The following SLC4A11 variants were observed in gnomAD, a reference collection of about 807,000 sequenced individuals.
The protein encoded by SLC4A11 is bicarbonate transporter related protein 1.
A neutral mutation model predicts 95.0 loss-of-function variants in SLC4A11; 74 were observed. The ratio of observed to expected loss-of-function variants is 0.78; its 90% CI spans 0.65 to 0.95. The LOEUF (loss-of-function observed/expected upper bound fraction) is 0.95. Among genes scored for constraint, SLC4A11 ranks in the 40% least tolerant of loss-of-function variants. The pLI, the probability that SLC4A11 is intolerant of heterozygous loss-of-function variation, is 0.00. For synonymous variants in SLC4A11, 548 were observed against 519.0 expected, an observed-to-expected ratio of 1.06 and a Z score of -0.76; for missense variants, 1,081 against 1,192.4, an observed-to-expected ratio of 0.91 and a Z score of 1.38.
Position 3,237,673 on chromosome 20 carries a change from G to A in SLC4A11, c.44-85C>T. The A allele has an allele frequency of 6.2e-7, 1 of 1,613,970 alleles. No homozygotes were observed. Among genetic ancestry groups the A allele is most frequent in the Non-Finnish European group, 8.5e-7 (1 of 1,180,006 alleles). ...CACCTGTCTCCCCGCCCCCCGACCT[G>A]GCTCATTCCTTCGCTCTTCCGAGGG... On this transcript the variant is annotated intron_variant, in intron 1 of 19. Transcript: ENST00000642402.
Position 3,228,634 on chromosome 20 carries a change from G to T in SLC4A11, c.2266C>A (p.Leu756Met). 6.2e-7 allele frequency: 1 copy of T among 1,613,148 alleles called. No homozygotes were observed. Among genetic ancestry groups the T allele is most frequent in the Non-Finnish European group, 8.5e-7 (1 of 1,179,914 alleles). ...GGGATCCACTGAAGCGGGACCGGCA[G>T]CAGCAACAGGGACAGGCCCACCAGG... is the stretch of plus-strand genomic sequence containing the variant. ...SVLVGLSLLL[L>M]PVPLQWIPKP... The change falls in exon 18 of 20, where the codon CTG becomes ATG. Residue 756 changes from leucine to methionine, a missense_variant. This residue lies in a region of SLC4A11 where 767 missense variants were observed against 858.0 expected (regional missense o/e 0.89). Transcript: ENST00000642402.
rs774350919 is a variant in SLC4A11 at position 3,227,736 on chromosome 20, C to T, written c.*51G>A. The T allele has an allele frequency of 2.5e-6, 4 of 1,592,082 alleles. No homozygotes were observed. The South Asian group carries it at 3.3e-5, about 13-fold the overall frequency. ...CCTCCCCTCACAGCTCCAGAGCCAG[C>T]CTGGGAGGACGTGGAGGGCTGGCGA... On this transcript the variant is annotated 3_prime_UTR_variant, in exon 20 of 20. Transcript: ENST00000642402.
intron 1 of SLC4A11, 170 bp from the exon 2 acceptor site, chr20:3,237,758 C>A: frequency 6.2e-7 from 1 of 1,613,006 alleles, no homozygotes; most frequent in Non-Finnish European, 8.5e-7. Flanking sequence ...GGGAGGGGGC[C>A]CCATAGCAGG....
chr20:3,230,783 G>T lies in SLC4A11; in HGVS notation c.1231C>A (p.Gln411Lys). 6.2e-7 allele frequency: 1 copy of T among 1,613,376 alleles called. No homozygotes were observed. Among genetic ancestry groups the T allele is most frequent in the Non-Finnish European group, 8.5e-7 (1 of 1,179,992 alleles). The change falls in exon 11 of 20, where the codon CAG (glutamine) becomes AAG (lysine). Residue 411 changes from glutamine (Q) to lysine (K), a missense_variant. By Grantham distance (53) the Gln-to-Lys change is moderately conservative (BLOSUM62 1). Around this residue, in one of 3 missense-constraint regions of SLC4A11, gnomAD observed 767 missense variants for 858.0 expected, o/e 0.89. Transcript: ENST00000642402. ...GTGGTCAGCAGAATCACCAATGGCT[G>T]CCCAGAGAAGAGCGCGTAGAGCAGG... ...GGLLYALFSG[Q>K]PLVILLTTAP...
rs1371059316 is a variant in SLC4A11, at chr20:3,228,372, G to A, written c.2445C>T (p.Tyr815=). The change falls in exon 19 of 20, where the codon TAC becomes TAT. Residue 815 remains tyrosine (Y), a synonymous_variant. Coordinates refer to ENST00000642402, the MANE Select transcript of SLC4A11 (RefSeq NM_001174089.2). ...IRRVPQRKIH[Y]FTGLQVLQLL... ...GCTGAAGCACCTGCAGGCCCGTGAAGTAGTGGATCTTCCTCTGGGGCACCC... is the reference window on the plus strand; with the variant it reads ...GCTGAAGCACCTGCAGGCCCGTGAAATAGTGGATCTTCCTCTGGGGCACCC... 6.2e-7 allele frequency: 1 copy of A among 1,613,370 alleles called. No individual in the cohort carries two copies. Among genetic ancestry groups the A allele is most frequent in the Admixed American group, 1.7e-5 (1 of 60,024 alleles).
intron 19 of SLC4A11, 109 bp downstream of exon 19, chr20:3,228,150 G>A (rs550719363): frequency 8.8e-5 from 15 of 170,230 alleles, no homozygotes; most frequent in South Asian, 4.4e-4. Context: ...ACCCCAACCC[G>A]CCCATTCTCC....
chr20:3,236,313 G>A (rs540868754), intron 2 of SLC4A11, among the ~76,000 whole-genome samples: 2 of 152,276 alleles, frequency 1.3e-5, no homozygotes, highest in South Asian at 4.1e-4. Flanking sequence ...GAAATATTAG[G>A]TCAAAAGACA....
chr20:3,237,437 A>G, intron 2 of SLC4A11, 107 bp downstream of exon 2: 1 of 1,172,484 alleles, frequency 8.5e-7, no homozygotes, highest in Non-Finnish European at 1.3e-6. Context: ...AGAGTGGCCC[A>G]GATAGGCGAG....
rs775805131 is a variant in SLC4A11, at chr20:3,229,453, C to T, written c.1743-1G>A. 6.2e-7 allele frequency: 1 copy of T among 1,613,186 alleles called. No homozygotes were observed. Among genetic ancestry groups the T allele is most frequent in the Non-Finnish European group, 8.5e-7 (1 of 1,180,010 alleles). On this transcript the variant is annotated splice_acceptor_variant, in intron 14 of 19. Transcript: ENST00000642402. LOFTEE classifies it high-confidence loss of function. Reference sequence around the variant, plus strand: ...TCGCACGCAGGGGTGCAGGTAGGGGCTGGGGACAGCAGGTGCATGAGCACA... The same window carrying T: ...TCGCACGCAGGGGTGCAGGTAGGGGTTGGGGACAGCAGGTGCATGAGCACA...
At chr20:3,235,293 TCTCTCTCTCTCTCTCTCA>T (rs1331580266) in intron 2 of SLC4A11, among the ~76,000 whole-genome samples, 1 of 108,396 alleles carries the variant, frequency 9.2e-6, no homozygotes, top group Non-Finnish European at 2.0e-5. Flanking sequence ...TCTCTCTCTC[TCTCTCTCTCTCTCTCTCA>T]CACACACACA....
In SLC4A11 at chr20:3,231,297, C is replaced by A. The variant is rs1485995545; in HGVS notation, c.948+33G>T. On this transcript the variant is annotated intron_variant, in intron 8 of 19. Transcript: ENST00000642402. This position sits in a 1 kb window ranked among gnomAD's most constrained non-coding sequence, Gnocchi z 5.2. Reference sequence around the variant, plus strand: ...CCTGTCCGGCCCATGCCCCCGCCGACCCTGCCGGCCCCCGCCGGCCTCTAC... The same window carrying A: ...CCTGTCCGGCCCATGCCCCCGCCGAACCTGCCGGCCCCCGCCGGCCTCTAC... 2 of 1,613,438 alleles carry A rather than the reference C, an allele frequency of 1.2e-6. No homozygotes were observed. The highest frequency in any genetic ancestry group is 1.7e-6 in the Non-Finnish European group (2 of 1,179,952).
intron 6 of SLC4A11, 37 bp from the exon 7 acceptor site, chr20:3,233,674 C>T (rs759736742): frequency 3.1e-6 from 5 of 1,607,966 alleles, no homozygotes; most frequent in Non-Finnish European, 4.2e-6. Flanking sequence ...CACAGTTGCA[C>T]CCCAGGGAGC....
chr20:3,233,105 G>C (rs1322491709), intron 7 of SLC4A11, among the ~76,000 whole-genome samples: 1 of 152,180 alleles, frequency 6.6e-6, no homozygotes, highest in African/African-American at 2.4e-5. Flanking sequence ...TTCCTTAAAA[G>C]ACTCCCGAAA....
Position 3,230,195 on chromosome 20 carries a change from G to A in SLC4A11, c.1481C>T (p.Thr494Met), listed in dbSNP as rs369474430. The change falls in exon 13 of 20, where the codon ACG (threonine) becomes ATG (methionine). Residue 494 changes from threonine to methionine, a missense_variant. Physicochemically the swap from Thr to Met is moderately conservative, Grantham distance 81 (BLOSUM62 -1). Coordinates refer to ENST00000642402, the MANE Select transcript of SLC4A11 (RefSeq NM_001174089.2). The stretch of plus-strand genomic sequence containing the variant: ...CCCCCAGCCGCACTCACTTTTAACC[G>A]TGCCCTTGACGGCATCCAGCACAAA... ...ITFVLDAVKG[T>M]VKIFWKYYYG... is the part of the protein sequence containing the mutation. 95 of 1,613,394 alleles carry A rather than the reference G, an allele frequency of 5.9e-5. 1 individual carries two copies. The Middle Eastern group carries it at 2.0e-3, about 33-fold the overall frequency.
chr20:3,237,786 T>A (rs892950023), intron 1 of SLC4A11, 198 bp from the exon 2 acceptor site: 1 of 1,605,884 alleles, frequency 6.2e-7, no homozygotes, highest in Non-Finnish European at 8.5e-7. Flanking sequence ...AGCCTTAATC[T>A]CAGAAATTCA....
In SLC4A11 at chr20:3,231,574, C is replaced by T. The variant is rs1479166269; in HGVS notation, c.730-26G>A. ...CTAGGGGTGGAGGATGGGAGTCACC[C>T]CTAGAAACAGAGGAGGCCCTGCCCG... On this transcript the variant is annotated intron_variant, in intron 7 of 19. Coordinates refer to ENST00000642402, the MANE Select transcript of SLC4A11 (RefSeq NM_001174089.2). This position sits in a 1 kb window ranked among gnomAD's most constrained non-coding sequence, Gnocchi z 5.2. 1 of 1,598,016 alleles carries T rather than the reference C, an allele frequency of 6.3e-7. No individual in the cohort carries two copies. Among genetic ancestry groups the T allele is most frequent in the Non-Finnish European group, 8.5e-7 (1 of 1,174,656 alleles).
Position 3,234,648 on chromosome 20 carries a change from T to C in SLC4A11, c.242-31A>G. On this transcript the variant is annotated intron_variant, in intron 3 of 19. Coordinates refer to ENST00000642402, the MANE Select transcript of SLC4A11 (RefSeq NM_001174089.2). The surrounding 1 kb of genome is among the most constrained non-coding windows in gnomAD (Gnocchi z 5.8). ...GGAGAAAAGCGGGGAGGGCTCAGGG[T>C]GCCACCCTCTCCTCAGGTCTTTCTT... is the stretch of plus-strand genomic sequence containing the variant. The C allele has an allele frequency of 1.2e-6, 2 of 1,613,742 alleles. No individual in the cohort carries two copies. Among genetic ancestry groups the C allele is most frequent in the South Asian group, 2.2e-5 (2 of 91,082 alleles).
Position 3,228,772 on chromosome 20 carries a change from A to G in SLC4A11, c.2193-65T>C, listed in dbSNP as rs115028271. On this transcript the variant is annotated intron_variant, in intron 17 of 19. Coordinates refer to ENST00000642402, the MANE Select transcript of SLC4A11 (RefSeq NM_001174089.2). The stretch of plus-strand genomic sequence containing the variant: ...TGTCCACAGGGCCTCACTCCTCCCT[A>G]TGTCCCATGTGGCCAGAGGCTCCCC... 3,531 of 1,612,286 alleles carry G rather than the reference A, an allele frequency of 2.2e-3. 53 individuals are homozygous for G. The African/African-American group carries it at 0.039, about 18-fold the overall frequency.
upstream of SLC4A11, chr20:3,239,316 C>A: frequency 8.6e-7 from 1 of 1,163,928 alleles, no homozygotes; most frequent in Non-Finnish European, 1.1e-6. Flanking sequence ...CTGCCGAGGG[C>A]TGGGACCCGG....
Sources: allele counts gnomAD v4.1 joint callset (sites outside exome capture counted in the v4.1 genomes callset), GRCh38; gene constraint gnomAD v4.1.1; regional missense constraint gnomAD v4.1.1; non-coding constraint Gnocchi (gnomAD v3.1); transcripts MANE v1.5; gene names NCBI Gene and HGNC (gene_info 2026-07-23, HGNC 2026-07-21).